The following XRCC4 variants were observed in gnomAD, a reference collection of about 807,000 sequenced individuals.
The protein encoded by XRCC4 is X-ray repair cross complementing 4.
Under a neutral mutation model 39.1 loss-of-function variants are expected in XRCC4, and 28 were observed. That is an observed-to-expected ratio of 0.72 (90% CI 0.53 to 0.98). XRCC4 has a LOEUF of 0.98. Ranked by LOEUF, XRCC4 falls within the 50% of genes least tolerant of loss-of-function variation. The pLI is 0.00. For synonymous variants in XRCC4, 123 were observed against 126.4 expected, an observed-to-expected ratio of 0.97 and a Z score of 0.18; for missense variants, 350 against 376.4, an observed-to-expected ratio of 0.93 and a Z score of 0.58.
chr5:83,145,906 C>G (rs1381279537), intron 3 of XRCC4, among the ~76,000 whole-genome samples: 1 of 144,674 alleles, frequency 6.9e-6, no homozygotes, highest in Non-Finnish European at 1.5e-5. Flanking sequence ...TAATTGTTAT[C>G]TATGATAGGG....
At position 83,095,889 on chromosome 5, in the gene XRCC4, G is replaced by T. The variant is rs76862267; in HGVS notation, c.-10-9021G>T. 8.5e-3 allele frequency among the ~76,000 whole-genome samples: 1,301 copies of T among 152,240 alleles called. 23 individuals are homozygous for T. The highest frequency in any genetic ancestry group is 0.03 in the African/African-American group (1,248 of 41,534). ...TTTCAGCAGTTCCCTGTCCAGGCAA[G>T]ATAGTTCCCAGCAAGAGGATTGGAG... On this transcript the variant is annotated intron_variant, in intron 1 of 7. Coordinates refer to ENST00000396027, the MANE Select transcript of XRCC4 (RefSeq NM_003401.5).
At chr5:83,334,730 G>A (rs1234871906) in intron 7 of XRCC4, among the ~76,000 whole-genome samples, 4 of 151,722 alleles carry the variant, frequency 2.6e-5, no homozygotes, top group African/African-American at 7.3e-5. Flanking sequence ...AGGCACAGAT[G>A]ATTATCTTTA....
At chr5:83,115,442 C>T (rs747402025) in intron 3 of XRCC4, among the ~76,000 whole-genome samples, 1 of 151,820 alleles carries the variant, frequency 6.6e-6, no homozygotes, top group Admixed American at 6.6e-5. Flanking sequence ...AACAAACAAA[C>T]AAACAAACAA....
At chr5:83,339,275 G>T (rs766376327) in intron 7 of XRCC4, among the ~76,000 whole-genome samples, 1 of 152,092 alleles carries the variant, frequency 6.6e-6, no homozygotes, top group Admixed American at 6.6e-5. Flanking sequence ...CTTTAAGAAA[G>T]AACACCTTCC....
intron 4 of XRCC4, among the ~76,000 whole-genome samples, chr5:83,203,117 T>C (rs142034178): frequency 5.8e-4 from 88 of 152,104 alleles, no homozygotes; most frequent in Admixed American, 5.2e-4. Context: ...GTTTGTTGTC[T>C]AGTAGATAAA....
At chr5:83,188,699 CTAAG>C (rs1218949990) in intron 3 of XRCC4, among the ~76,000 whole-genome samples, 1 of 152,070 alleles carries the variant, frequency 6.6e-6, no homozygotes, top group Non-Finnish European at 1.5e-5. Flanking sequence ...CTCAAGTGAA[CTAAG>C]TGAGAGGAGG....
At chr5:83,229,773 A>G (rs1258282148) in intron 6 of XRCC4, among the ~76,000 whole-genome samples, 2 of 149,140 alleles carry the variant, frequency 1.3e-5, no homozygotes, top group Non-Finnish European at 3.0e-5. Context: ...GGTCTTTAAT[A>G]TGGTAGTTGA....
At chr5:83,265,811 A>G (rs1753934440) in intron 7 of XRCC4, among the ~76,000 whole-genome samples, 1 of 152,086 alleles carries the variant, frequency 6.6e-6, no homozygotes, top group African/African-American at 2.4e-5. Context: ...CATAATTTCA[A>G]GATAATATGT....
At chr5:83,371,290 T>C in the XRCC4 span, among the ~76,000 whole-genome samples, 8 of 152,322 alleles carry the variant, frequency 5.3e-5, no homozygotes, top group South Asian at 1.0e-3. Context: ...TCTTTTACCA[T>C]ATCTTCCTCA....
At chr5:83,222,290 C>T (rs1752115091) in intron 6 of XRCC4, among the ~76,000 whole-genome samples, 1 of 152,038 alleles carries the variant, frequency 6.6e-6, no homozygotes, top group African/African-American at 2.4e-5. Flanking sequence ...CTAGTGGTCA[C>T]TCTACAGATG....
At chr5:83,083,062 G>A (rs1320997068) in intron 1 of XRCC4, among the ~76,000 whole-genome samples, 1 of 152,104 alleles carries the variant, frequency 6.6e-6, no homozygotes, top group East Asian at 1.9e-4. Context: ...CACCTTTGCA[G>A]TAAAGCATAT....
chr5:83,081,611 A>G (rs931499928), intron 1 of XRCC4, among the ~76,000 whole-genome samples: 1 of 152,244 alleles, frequency 6.6e-6, no homozygotes, highest in African/African-American at 2.4e-5. Flanking sequence ...ATCTGTGTGT[A>G]TCCTATAATG....
intron 1 of XRCC4, among the ~76,000 whole-genome samples, chr5:83,087,832 C>G (rs1745253241): frequency 6.6e-6 from 1 of 151,810 alleles, no homozygotes; most frequent in Non-Finnish European, 1.5e-5. Flanking sequence ...AGCTACATGC[C>G]TTGTTAAAAT....
At chr5:83,148,883 G>T (rs896779469) in intron 3 of XRCC4, among the ~76,000 whole-genome samples, 8 of 152,080 alleles carry the variant, frequency 5.3e-5, no homozygotes, top group Middle Eastern at 3.4e-3. Flanking sequence ...AAATAGTAAA[G>T]AGATTGTATC....
At chr5:83,205,961 C>T (rs1751404439) in intron 6 of XRCC4, among the ~76,000 whole-genome samples, 1 of 151,988 alleles carries the variant, frequency 6.6e-6, no homozygotes, top group African/African-American at 2.4e-5. Flanking sequence ...TACAAAGTTC[C>T]TGACGCGTTT....
chr5:83,366,891 A>C, the XRCC4 span, among the ~76,000 whole-genome samples: 1 of 152,094 alleles, frequency 6.6e-6, no homozygotes, highest in African/African-American at 2.4e-5. Flanking sequence ...ACTACTACCT[A>C]TCACAGAAGT....
At chr5:83,215,899 AG>A (rs1238821093) in intron 6 of XRCC4, among the ~76,000 whole-genome samples, 4 of 152,176 alleles carry the variant, frequency 2.6e-5, no homozygotes, top group Admixed American at 6.5e-5. Flanking sequence ...ACTTAGTTTT[AG>A]GCAAAGAGTT....
intron 3 of XRCC4, among the ~76,000 whole-genome samples, chr5:83,180,578 T>G (rs1322054705): frequency 1.3e-5 from 2 of 152,186 alleles, no homozygotes; most frequent in African/African-American, 4.8e-5. Context: ...TGACTTTATA[T>G]TCTTGGTAAC....
intron 7 of XRCC4, among the ~76,000 whole-genome samples, chr5:83,351,077 A>G (rs1440060502): frequency 6.6e-6 from 1 of 152,088 alleles, no homozygotes; most frequent in Non-Finnish European, 1.5e-5. Context: ...CCCCCTTGCC[A>G]TTCTCATGAT....
Sources: allele counts gnomAD v4.1 joint callset (sites outside exome capture counted in the v4.1 genomes callset), GRCh38; gene constraint gnomAD v4.1.1; transcripts MANE v1.5; gene names NCBI Gene and HGNC (gene_info 2026-07-23, HGNC 2026-07-21).